The following ILRUN variants were observed in gnomAD, a reference collection of about 807,000 sequenced individuals.
ILRUN encodes inflammation and lipid regulator with UBA-like and NBR1-like domains, also known as protein ILRUN.
A neutral mutation model predicts 33.8 loss-of-function variants in ILRUN; 3 were observed. The observed-to-expected ratio is 0.09, with a 90% CI of 0.04 to 0.23. The LOEUF (loss-of-function observed/expected upper bound fraction) is 0.23. ILRUN is among the 10% of genes least tolerant of loss of function. The probability of loss-of-function intolerance (pLI) is 1.00; values close to 1 mark genes in which losing one functional copy is unlikely to be tolerated. For synonymous variants in ILRUN, 124 were observed against 138.9 expected (o/e 0.89, Z 0.75); for missense variants, 210 against 375.1 (o/e 0.56, Z 3.64).
chr6:34,618,496 C>T (rs1269820502), intron 3 of ILRUN, among the ~76,000 whole-genome samples: 2 of 152,210 alleles, frequency 1.3e-5, no homozygotes, highest in Non-Finnish European at 1.5e-5. Context: ...CCCTGTCCTA[C>T]CAAGCATCCC....
intron 3 of ILRUN, among the ~76,000 whole-genome samples, chr6:34,638,957 A>G (rs1240819296): frequency 6.6e-6 from 1 of 152,218 alleles, no homozygotes; most frequent in Non-Finnish European, 1.5e-5. Flanking sequence ...CATGGATTCT[A>G]GTATGAAGAA....
intron 3 of ILRUN, among the ~76,000 whole-genome samples, chr6:34,645,645 T>G (rs992795331): frequency 6.6e-6 from 1 of 152,210 alleles, no homozygotes; most frequent in Non-Finnish European, 1.5e-5. Context: ...GTGCTGGGAT[T>G]ATAGGCGTGT....
Position 34,682,265 on chromosome 6 carries a change from T to TGTTTTGG in ILRUN, c.158+14180_158+14181insCCAAAAC, listed in dbSNP as rs1199069546. 4.1e-3 allele frequency among the ~76,000 whole-genome samples: 582 copies of TGTTTTGG among 141,124 alleles called. 9 individuals carry two copies. The highest frequency in any genetic ancestry group is 0.014 in the African/African-American group (542 of 38,236). The allele number at this position is 141,124 out of a possible 152,430, so 92.6% of individuals were successfully genotyped here. A position where few individuals can be genotyped will look rare whatever the true frequency, so the allele number is the denominator to read the frequency against. ...CTGCAACCTCTGTTTTTTTTTTTTT[T>TGTTTTGG]TTTTTTTTTTTTGAGACAGTCTCGC... is the stretch of plus-strand genomic sequence containing the variant. On this transcript the variant is annotated intron_variant, in intron 1 of 4. Coordinates refer to ENST00000374023, the MANE Select transcript of ILRUN (RefSeq NM_024294.4).
chr6:34,605,378 A>C (rs900734047), intron 4 of ILRUN, among the ~76,000 whole-genome samples: 1 of 151,086 alleles, frequency 6.6e-6, no homozygotes, highest in South Asian at 2.1e-4. Flanking sequence ...CTGTAATCCC[A>C]GCACTTCGGG....
At chr6:34,650,634 A>G (rs1443985183) in intron 2 of ILRUN, among the ~76,000 whole-genome samples, 1 of 151,698 alleles carries the variant, frequency 6.6e-6, no homozygotes, top group Non-Finnish European at 1.5e-5. Flanking sequence ...GGTTTTTAGT[A>G]GAGATGGGGT....
chr6:34,687,720 T>C (rs1363676386), intron 1 of ILRUN, among the ~76,000 whole-genome samples: 1 of 146,110 alleles, frequency 6.8e-6, no homozygotes, highest in Non-Finnish European at 1.5e-5. Flanking sequence ...TATATATATA[T>C]ATATATTTAT....
chr6:34,612,724 T>C (rs562187726), intron 3 of ILRUN, among the ~76,000 whole-genome samples: 7 of 151,782 alleles, frequency 4.6e-5, no homozygotes, highest in Admixed American at 2.6e-4. Flanking sequence ...CTGGGCAACA[T>C]GGTGAAACCC....
intron 3 of ILRUN, among the ~76,000 whole-genome samples, chr6:34,619,030 A>G (rs1562004895): frequency 6.6e-6 from 1 of 152,180 alleles, no homozygotes; most frequent in Non-Finnish European, 1.5e-5. Context: ...CATTGGATGT[A>G]GCAACACAAA....
At chr6:34,608,130 A>G (rs1305987578) in intron 3 of ILRUN, among the ~76,000 whole-genome samples, 2 of 151,980 alleles carry the variant, frequency 1.3e-5, no homozygotes, top group Admixed American at 6.6e-5. Flanking sequence ...GTGGTGGCTC[A>G]TGCCTGTAAT....
chr6:34,606,572 C>CT lies in ILRUN; in HGVS notation c.843dup (p.Val282SerfsTer6), dbSNP rs1761635882. 5 of 1,613,712 alleles carry CT rather than the reference C, an allele frequency of 3.1e-6. No homozygotes were observed. Among genetic ancestry groups the CT allele is most frequent in the Admixed American group, 3.3e-5 (2 of 59,970 alleles). ...GCACCTACCTTACTGTAAGTCACTA[C>CT]TGATAAGTTGTTTGCGTGACTGCTG... On this transcript the variant is annotated frameshift_variant, in exon 4 of 5. Coordinates refer to ENST00000374023, the MANE Select transcript of ILRUN (RefSeq NM_024294.4). LOFTEE classifies it high-confidence loss of function.
intron 1 of ILRUN, among the ~76,000 whole-genome samples, chr6:34,673,629 C>T (rs1201015129): frequency 1.3e-5 from 2 of 152,040 alleles, no homozygotes; most frequent in African/African-American, 4.8e-5. Context: ...GAGGCCAAGG[C>T]AAAAGGATGG....
intron 2 of ILRUN, among the ~76,000 whole-genome samples, chr6:34,652,338 ATAAC>A (rs1183545363): frequency 6.6e-6 from 1 of 152,202 alleles, no homozygotes; most frequent in Non-Finnish European, 1.5e-5. Flanking sequence ...ACTAACTGTT[ATAAC>A]TAACTGTTAC....
intron 3 of ILRUN, among the ~76,000 whole-genome samples, chr6:34,636,521 G>A (rs986129589): frequency 6.7e-6 from 1 of 149,780 alleles, no homozygotes; most frequent in Admixed American, 6.6e-5. Context: ...CATCGTTACA[G>A]GAACAGAATG....
chr6:34,670,758 A>T (rs1430787809), intron 1 of ILRUN, among the ~76,000 whole-genome samples: 1 of 146,274 alleles, frequency 6.8e-6, no homozygotes, highest in African/African-American at 2.5e-5. Context: ...CAGGAGGCTG[A>T]GGTGGTAGAA....
At chr6:34,627,228 TA>T (rs1762154725) in intron 3 of ILRUN, among the ~76,000 whole-genome samples, 1 of 152,216 alleles carries the variant, frequency 6.6e-6, no homozygotes, top group Admixed American at 6.5e-5. Flanking sequence ...CCATGTGCCT[TA>T]ATGGCTCATT....
chr6:34,641,337 G>A (rs958201497), intron 3 of ILRUN, among the ~76,000 whole-genome samples: 2 of 152,104 alleles, frequency 1.3e-5, no homozygotes, highest in East Asian at 1.9e-4. Context: ...TCATGGCTAT[G>A]GTTGTATACA....
chr6:34,638,133 C>G (rs1475114683), intron 3 of ILRUN, among the ~76,000 whole-genome samples: 1 of 152,044 alleles, frequency 6.6e-6, no homozygotes, highest in Non-Finnish European at 1.5e-5. Flanking sequence ...GGCAATCCAC[C>G]TGCCTCGGCC....
chr6:34,605,885 A>C (rs189227765), intron 4 of ILRUN, among the ~76,000 whole-genome samples: 1 of 152,324 alleles, frequency 6.6e-6, no homozygotes, highest in Admixed American at 6.5e-5. Flanking sequence ...TGAACCACCT[A>C]CAACAATGAA....
intron 1 of ILRUN, among the ~76,000 whole-genome samples, chr6:34,691,532 C>T (rs1426397691): frequency 2.6e-5 from 4 of 152,198 alleles, no homozygotes; most frequent in Non-Finnish European, 4.4e-5. Context: ...CGGTGGCCCA[C>T]GCCTATAATC....
Sources: allele counts gnomAD v4.1 joint callset (sites outside exome capture counted in the v4.1 genomes callset), GRCh38; gene constraint gnomAD v4.1.1; transcripts MANE v1.5; gene names NCBI Gene and HGNC (gene_info 2026-07-23, HGNC 2026-07-21).